The following SNX8 variants were observed in gnomAD, a reference collection of about 807,000 sequenced individuals.
SNX8 encodes the protein sorting nexin-8.
Under a neutral mutation model 51.6 loss-of-function variants are expected in SNX8, and 25 were observed. That is an observed-to-expected ratio of 0.48 (90% CI 0.35 to 0.68). The LOEUF (loss-of-function observed/expected upper bound fraction) is 0.68. Among genes scored for constraint, SNX8 ranks in the 30% least tolerant of loss-of-function variants. The pLI is 0.00. For missense variants in SNX8, 695 were observed against 624.0 expected (o/e 1.11, Z -1.21); for synonymous variants, 324 against 277.0 (o/e 1.17, Z -1.68).
At chr7:2,324,933 G>A (rs1438462990) in intron 1 of SNX8, among the ~76,000 whole-genome samples, 3 of 147,964 alleles carry the variant, frequency 2.0e-5, no homozygotes, top group Admixed American at 1.3e-4. Flanking sequence ...AGCCTGCTGC[G>A]TAGCTGGGAC....
upstream of SNX8, among the ~76,000 whole-genome samples, chr7:2,315,271 TTCACCCAC>T (rs201800987): frequency 1.3e-5 from 2 of 150,608 alleles, no homozygotes; most frequent in Non-Finnish European, 3.0e-5. Context: ...CCTGCATTCA[TTCACCCAC>T]TCACCCACTC....
rs140507790 is a variant in SNX8 at position 2,306,765 on chromosome 7, G to A, written c.94+7563C>T. 2.6e-3 allele frequency among the ~76,000 whole-genome samples: 392 copies of A among 152,252 alleles called. 2 individuals carry two copies. The highest frequency in any genetic ancestry group is 8.7e-3 in the African/African-American group (361 of 41,562). On this transcript the variant is annotated intron_variant, in intron 1 of 10. Transcript: ENST00000222990. ...TGTCTATGAAATTTTTGCGATTGTG[G>A]TTGTATCACTTGTATAACAAAATTT...
chr7:2,346,606 C>T (rs1354185394), intron 1 of SNX8, among the ~76,000 whole-genome samples: 21 of 150,934 alleles, frequency 1.4e-4, no homozygotes, highest in South Asian at 1.1e-3. Flanking sequence ...ATTAGCCGGG[C>T]GTGGTGGTGG....
intron 1 of SNX8, among the ~76,000 whole-genome samples, chr7:2,351,518 GAC>G (rs1232701833): frequency 3.9e-5 from 6 of 152,144 alleles, no homozygotes; most frequent in African/African-American, 1.4e-4. Context: ...CAGCCTGGGT[GAC>G]AGAGTGAGAC....
intron 1 of SNX8, among the ~76,000 whole-genome samples, chr7:2,310,478 C>T (rs1046294887): frequency 2.6e-5 from 4 of 151,916 alleles, no homozygotes; most frequent in Non-Finnish European, 5.9e-5. Flanking sequence ...TAAAAATTGG[C>T]CAGGCGTGGC....
chr7:2,350,184 C>G (rs1157822212), intron 1 of SNX8, among the ~76,000 whole-genome samples: 1 of 152,160 alleles, frequency 6.6e-6, no homozygotes, highest in Non-Finnish European at 1.5e-5. Context: ...AAAATAAAGG[C>G]ACAGCTTTCC....
upstream of SNX8, among the ~76,000 whole-genome samples, chr7:2,317,436 C>T (rs1296894798): frequency 1.3e-5 from 2 of 151,412 alleles, no homozygotes; most frequent in African/African-American, 4.9e-5. Flanking sequence ...TGCCACCACA[C>T]CCAGCTAATT....
At chr7:2,261,307 C>T (rs1482301146) in intron 7 of SNX8, among the ~76,000 whole-genome samples, 2 of 152,186 alleles carry the variant, frequency 1.3e-5, no homozygotes, top group Non-Finnish European at 2.9e-5. Context: ...GTGGTGCACA[C>T]CTGTAATCCC....
At chr7:2,332,864 G>T (rs1391524660) in intron 1 of SNX8, among the ~76,000 whole-genome samples, 1 of 150,856 alleles carries the variant, frequency 6.6e-6, no homozygotes, top group Non-Finnish European at 1.5e-5. Flanking sequence ...AAAAGAGAGA[G>T]AGAGAAAGAA....
chr7:2,349,655 T>G (rs1171480658), intron 1 of SNX8, among the ~76,000 whole-genome samples: 1 of 152,058 alleles, frequency 6.6e-6, no homozygotes, highest in Admixed American at 6.6e-5. Flanking sequence ...TAGGCTGATG[T>G]TGAACTCCTG....
chr7:2,294,247 G>A (rs567643901), intron 1 of SNX8, among the ~76,000 whole-genome samples: 2 of 151,504 alleles, frequency 1.3e-5, no homozygotes, highest in Non-Finnish European at 2.9e-5. Flanking sequence ...CAGGCGACAA[G>A]TGCAAGACTC....
intron 1 of SNX8, among the ~76,000 whole-genome samples, chr7:2,288,608 C>T (rs1360332082): frequency 6.6e-6 from 1 of 152,040 alleles, no homozygotes; most frequent in Non-Finnish European, 1.5e-5. Context: ...TACATGAGTG[C>T]CCCAGGGCCA....
At chr7:2,348,883 C>T (rs1234382434) in intron 1 of SNX8, among the ~76,000 whole-genome samples, 6 of 141,306 alleles carry the variant, frequency 4.2e-5, no homozygotes, top group African/African-American at 1.1e-4. Flanking sequence ...ACCCGGGAGG[C>T]GGAGTTACAG....
At chr7:2,307,013 T>C (rs1260905040) in intron 1 of SNX8, among the ~76,000 whole-genome samples, 1 of 152,098 alleles carries the variant, frequency 6.6e-6, no homozygotes, top group Non-Finnish European at 1.5e-5. Flanking sequence ...CAGATTTCCA[T>C]AACACACAAA....
intron 1 of SNX8, among the ~76,000 whole-genome samples, chr7:2,329,564 C>A (rs886909976): frequency 6.6e-6 from 1 of 152,140 alleles, no homozygotes; most frequent in Admixed American, 6.6e-5. Context: ...CTTTTGCCTG[C>A]CCCAGGGCAG....
chr7:2,329,227 C>CG (rs1159125838), intron 1 of SNX8, among the ~76,000 whole-genome samples: 1 of 151,194 alleles, frequency 6.6e-6, no homozygotes. Flanking sequence ...GCCAAGACTG[C>CG]GCCACTGCAC....
At chr7:2,318,912 G>A (rs1198405675), upstream of SNX8, among the ~76,000 whole-genome samples, 3 of 151,922 alleles carry the variant, frequency 2.0e-5, no homozygotes, top group Non-Finnish European at 4.4e-5. Flanking sequence ...GAAGGCCAAG[G>A]CAAGAGGATT....
intron 1 of SNX8, among the ~76,000 whole-genome samples, chr7:2,339,343 C>A (rs1043795518): frequency 6.6e-6 from 1 of 151,946 alleles, no homozygotes; most frequent in Non-Finnish European, 1.5e-5. Flanking sequence ...GTAGCTGGGA[C>A]TACAGGCACG....
intron 5 of SNX8, among the ~76,000 whole-genome samples, chr7:2,267,671 C>T (rs1795504072): frequency 6.7e-6 from 1 of 149,382 alleles, no homozygotes; most frequent in Non-Finnish European, 1.5e-5. Flanking sequence ...ACAACCTACA[C>T]CTCCCAGCCG....
Sources: gnomAD v4.1 joint callset for allele counts (sites outside exome capture counted in the v4.1 genomes callset) on GRCh38, gnomAD v4.1.1 for gene constraint, MANE v1.5 for transcripts, NCBI Gene and HGNC (gene_info 2026-07-23, HGNC 2026-07-21) for gene names.